PID1: variants seen among roughly 807,000 people sequenced by gnomAD.
PID1 encodes phosphotyrosine interaction domain containing 1, also known as PTB-containing, cubilin and LRP1-interacting protein.
A neutral mutation model predicts 19.1 loss-of-function variants in PID1; 10 were observed. That is an observed-to-expected ratio of 0.52 (90% CI 0.32 to 0.89). The LOEUF is 0.89. Ranked by LOEUF, PID1 falls within the 40% of genes least tolerant of loss-of-function variation. The probability of loss-of-function intolerance (pLI) is 0.03; values close to 1 mark genes in which losing one functional copy is unlikely to be tolerated. For synonymous variants in PID1, 130 were observed against 116.0 expected, an observed-to-expected ratio of 1.12 and a Z score of -0.78; for missense variants, 248 against 285.3, an observed-to-expected ratio of 0.87 and a Z score of 0.94.
intron 1 of PID1, among the ~76,000 whole-genome samples, chr2:229,257,288 G>A (rs1690326557): frequency 6.6e-6 from 1 of 152,166 alleles, no homozygotes; most frequent in Non-Finnish European, 1.5e-5. Flanking sequence ...TTATGGTGGA[G>A]CATTCATGTG....
intron 1 of PID1, among the ~76,000 whole-genome samples, chr2:229,190,518 G>C (rs890729279): frequency 6.6e-6 from 1 of 152,222 alleles, no homozygotes; most frequent in Non-Finnish European, 1.5e-5. Context: ...GGCACAGAGA[G>C]AGAGGATGTG....
At chr2:229,142,386 C>T (rs184450374) in intron 2 of PID1, among the ~76,000 whole-genome samples, 44 of 152,120 alleles carry the variant, frequency 2.9e-4, no homozygotes, top group Admixed American at 9.2e-4. Flanking sequence ...CAATATGTAT[C>T]GCCTCTCCTT....
chr2:229,255,395 G>A (rs879865895), intron 1 of PID1, among the ~76,000 whole-genome samples: 1 of 152,204 alleles, frequency 6.6e-6, no homozygotes, highest in Non-Finnish European at 1.5e-5. Flanking sequence ...AAGATGACCA[G>A]TAAAATGTCT....
chr2:229,170,584 AT>A (rs1261874879), intron 1 of PID1, among the ~76,000 whole-genome samples: 1 of 152,056 alleles, frequency 6.6e-6, no homozygotes, highest in African/African-American at 2.4e-5. Flanking sequence ...ATTGAATATA[AT>A]TTTTTTCTCT....
At chr2:229,229,498 A>T (rs1464205798) in intron 1 of PID1, among the ~76,000 whole-genome samples, 1 of 152,116 alleles carries the variant, frequency 6.6e-6, no homozygotes, top group East Asian at 1.9e-4. Flanking sequence ...TTAGCCAGGT[A>T]TGGTGGTGCA....
intron 1 of PID1, among the ~76,000 whole-genome samples, chr2:229,181,649 A>G (rs1690949218): frequency 6.6e-6 from 1 of 152,234 alleles, no homozygotes; most frequent in South Asian, 2.1e-4. Flanking sequence ...TAACTACAAT[A>G]TCCTTAGCAT....
At chr2:229,150,621 A>G (rs1249663970) in intron 2 of PID1, among the ~76,000 whole-genome samples, 1 of 152,142 alleles carries the variant, frequency 6.6e-6, no homozygotes, top group Non-Finnish European at 1.5e-5. Context: ...CCAATTACAA[A>G]CTTTATAAAA....
intron 1 of PID1, among the ~76,000 whole-genome samples, chr2:229,202,677 T>C (rs944573896): frequency 7.2e-5 from 11 of 152,106 alleles, no homozygotes; most frequent in Non-Finnish European, 1.2e-4. Flanking sequence ...TCATCAACTA[T>C]TATTATCACT....
At chr2:229,070,024 AG>A (rs1694420638) in intron 2 of PID1, among the ~76,000 whole-genome samples, 1 of 152,208 alleles carries the variant, frequency 6.6e-6, no homozygotes, top group African/African-American at 2.4e-5. Context: ...GTCGCCTGCT[AG>A]GAGTCAGACC....
At chr2:229,044,752 T>C (rs575174437) in intron 2 of PID1, among the ~76,000 whole-genome samples, 8 of 152,312 alleles carry the variant, frequency 5.3e-5, no homozygotes, top group Non-Finnish European at 1.0e-4. Flanking sequence ...TGTGTATGAC[T>C]GTCTAGGAAT....
intron 1 of PID1, among the ~76,000 whole-genome samples, chr2:229,203,430 C>G (rs528955471): frequency 6.6e-6 from 1 of 152,106 alleles, no homozygotes; most frequent in African/African-American, 2.4e-5. Context: ...GCATTGTTTT[C>G]TTTAACAACT....
At chr2:229,147,249 A>G (rs1044068181) in intron 2 of PID1, among the ~76,000 whole-genome samples, 1 of 152,218 alleles carries the variant, frequency 6.6e-6, no homozygotes, top group African/African-American at 2.4e-5. Flanking sequence ...GCAGCTTTTT[A>G]CAAAATGTTC....
intron 1 of PID1, among the ~76,000 whole-genome samples, chr2:229,269,445 T>G (rs1438817706): frequency 6.6e-6 from 1 of 152,164 alleles, no homozygotes; most frequent in South Asian, 2.1e-4. Context: ...AGAACTTGAA[T>G]AGTCAAAAAT....
At chr2:229,104,690 C>T (rs1695139167) in intron 2 of PID1, among the ~76,000 whole-genome samples, 1 of 152,174 alleles carries the variant, frequency 6.6e-6, no homozygotes, top group South Asian at 2.1e-4. Flanking sequence ...GTATGGATTC[C>T]CAGACATGGA....
intron 1 of PID1, among the ~76,000 whole-genome samples, chr2:229,269,400 G>A (rs1194880388): frequency 2.0e-5 from 3 of 152,180 alleles, no homozygotes; most frequent in African/African-American, 7.2e-5. Flanking sequence ...GCTCCAGAGC[G>A]CACAGGATTC....
Position 229,270,974 on chromosome 2 carries a change from C to T in PID1, c.30+40G>A, listed in dbSNP as rs778882469. On this transcript the variant is annotated intron_variant, in intron 1 of 2. Transcript: ENST00000392055. ...ACTAGGTTCCTCTGCCCGGGCACCT[C>T]CTCCTCCAGGCTGGCCCCCGGCTCC... 17 of 1,463,904 alleles carry T rather than the reference C, an allele frequency of 1.2e-5. No homozygotes were observed. The South Asian group carries it at 1.3e-4, about 11-fold the overall frequency. The allele number at this position is 1,463,904 out of a possible 1,614,324, so 90.7% of individuals were successfully genotyped here.
At chr2:229,205,333 G>T (rs12475878) in intron 1 of PID1, among the ~76,000 whole-genome samples, 37,166 of 151,774 alleles carry the variant, frequency 0.24, 5,418 homozygotes, top group East Asian at 0.61. Context: ...CTGTATATGT[G>T]TACATGTATG....
chr2:229,095,760 T>G (rs1009736830), intron 2 of PID1, among the ~76,000 whole-genome samples: 1 of 152,176 alleles, frequency 6.6e-6, no homozygotes, highest in Non-Finnish European at 1.5e-5. Context: ...CACTGAAGGG[T>G]ACAGACTGAA....
At chr2:229,159,586 C>T (rs1250389551) in intron 1 of PID1, among the ~76,000 whole-genome samples, 2 of 152,106 alleles carry the variant, frequency 1.3e-5, no homozygotes, top group East Asian at 1.9e-4. Context: ...TCTTGCCAAC[C>T]CCCACAAGTG....
Sources: gnomAD v4.1 joint callset for allele counts (sites outside exome capture counted in the v4.1 genomes callset) on GRCh38, gnomAD v4.1.1 for gene constraint, MANE v1.5 for transcripts, NCBI Gene and HGNC (gene_info 2026-07-23, HGNC 2026-07-21) for gene names.